ITGB4: variants seen among roughly 807,000 people sequenced by gnomAD.
ITGB4 encodes integrin beta-4.
Under a neutral mutation model 207.6 loss-of-function variants are expected in ITGB4, and 159 were observed. The ratio of observed to expected loss-of-function variants is 0.77; its 90% confidence interval spans 0.67 to 0.87. ITGB4 has a LOEUF of 0.87. Among genes scored for constraint, ITGB4 ranks in the 40% least tolerant of loss-of-function variants. The pLI is 0.00. For missense variants in ITGB4, 2,278 were observed against 2,546.8 expected (o/e 0.89, Z 2.27); for synonymous variants, 1,020 against 1,062.7 (o/e 0.96, Z 0.78).
In ITGB4 at chr17:75,750,856, G is replaced by C. The variant is rs1371197970; in HGVS notation, c.3651G>C (p.Gln1217His). Residue 1217 changes from glutamine to histidine, a missense_variant, in exon 29 of 40, where the codon CAG becomes CAC. Coordinates refer to ENST00000200181, the MANE Select transcript of ITGB4 (RefSeq NM_000213.5). This position sits in a 1 kb window ranked among gnomAD's most constrained non-coding sequence, Gnocchi z 5.5. ...YSSLVSCRTH[Q>H]EVPSEPGRLA... ...CCCTGGTGTCCTGCCGCACCCACCA[G>C]GAAGGTGAGGCCTCGCCATGTCTGT... 1.9e-6 allele frequency: 3 copies of C among 1,613,404 alleles called. No homozygotes were observed. The highest frequency in any genetic ancestry group is 2.7e-5 in the African/African-American group (2 of 75,046).
chr17:75,730,027 C>A (rs569560344), intron 7 of ITGB4, among the ~76,000 whole-genome samples: 1 of 152,244 alleles, frequency 6.6e-6, no homozygotes, highest in Non-Finnish European at 1.5e-5. Context: ...GTGGCCCCAG[C>A]GCCTTGCGGG....
rs192049370 is a variant in ITGB4, at chr17:75,731,063, G to T, written c.1092+99G>T. ...TGTCTTGGATCACGGTGGAGAAATG[G>T]GTCTGGGACAGACCAGTGAGGAAGG... On this transcript the variant is annotated intron_variant, in intron 9 of 39. Transcript: ENST00000200181. The surrounding 1 kb of genome is among the most constrained non-coding windows in gnomAD (Gnocchi z 6.8). The T allele has an allele frequency of 5.0e-5, 71 of 1,418,712 alleles. No individual in the cohort carries two copies. The African/African-American group carries it at 7.2e-4, about 14-fold the overall frequency. 87.9% of individuals were successfully genotyped at this position (1,418,712 alleles called of 1,614,324 possible).
chr17:75,746,068 A>G (rs2061226217), intron 26 of ITGB4, among the ~76,000 whole-genome samples: 2 of 152,056 alleles, frequency 1.3e-5, no homozygotes, highest in African/African-American at 4.8e-5. Context: ...CCCCATAAAA[A>G]TTCCAAAGAA....
chr17:75,737,237 G>T, intron 16 of ITGB4, 85 bp from the exon 17 acceptor site: 1 of 1,522,346 alleles, frequency 6.6e-7, no homozygotes. Flanking sequence ...GCAGATCGCA[G>T]AGTAGGGGCC....
Position 75,755,815 on chromosome 17 carries a change from A to G in ITGB4, c.4673A>G (p.Gln1558Arg), listed in dbSNP as rs2061485452. 1 of 1,608,690 alleles carries G rather than the reference A, an allele frequency of 6.2e-7. No individual in the cohort carries two copies. Among genetic ancestry groups the G allele is most frequent in the Non-Finnish European group, 8.5e-7 (1 of 1,179,806 alleles). Residue 1558 changes from glutamine (Q) to arginine (R), a missense_variant, in exon 35 of 40, where the codon CAG becomes CGG. Coordinates refer to ENST00000200181, the MANE Select transcript of ITGB4 (RefSeq NM_000213.5). Reference sequence around the variant, plus strand: ...GAGCCGCGGTGCGAGCGGCCGCTGCAGGGCTACAGTGTGGAGTACCAGCTG... The same window carrying G: ...GAGCCGCGGTGCGAGCGGCCGCTGCGGGGCTACAGTGTGGAGTACCAGCTG... Reference protein sequence around the residue: ...WQEPRCERPLQGYSVEYQLLN... With the variant: ...WQEPRCERPLRGYSVEYQLLN...
intron 34 of ITGB4, chr17:75,755,306 C>T: frequency 2.2e-6 from 3 of 1,345,794 alleles, no homozygotes; most frequent in Non-Finnish European, 3.0e-6. Flanking sequence ...CCACTGCTTC[C>T]CCTCCATTCC....
Position 75,740,647 on chromosome 17 carries a change from G to A in ITGB4, c.2551-146G>A, listed in dbSNP as rs547376688. ...CAGAGGGCAGAAGGCCAGAGCCTGG[G>A]CCCAGGATGCTGCCCCACGGGGCAT... On this transcript the variant is annotated intron_variant, in intron 21 of 39. Transcript: ENST00000200181. The surrounding 1 kb of genome is among the most constrained non-coding windows in gnomAD (Gnocchi z 5.9). 3 of 1,036,962 alleles carry A rather than the reference G, an allele frequency of 2.9e-6. No individual in the cohort carries two copies. The South Asian group carries it at 4.0e-5, about 14-fold the overall frequency. The allele number at this position is 1,036,962 out of a possible 1,614,324, so 64.2% of individuals were successfully genotyped here. A position where few individuals can be genotyped will look rare whatever the true frequency, so the allele number is the denominator to read the frequency against.
rs1220238012 is a variant in ITGB4 at position 75,755,766 on chromosome 17, A to G, written c.4624A>G (p.Thr1542Ala). ...CCTGGTGTTCTCTGCCCTGGGGCCCACATCTCTCAGAGTGAGCTGGCAGGA... is the reference window on the plus strand; with the variant it reads ...CCTGGTGTTCTCTGCCCTGGGGCCCGCATCTCTCAGAGTGAGCTGGCAGGA... ...TRLVFSALGPTSLRVSWQEPR... is the reference protein window; with the variant it reads ...TRLVFSALGPASLRVSWQEPR... The change falls in exon 35 of 40, where the codon ACA becomes GCA. Residue 1542 changes from threonine (T) to alanine (A), a missense_variant. By Grantham distance (58) the Thr-to-Ala change is moderately conservative. Coordinates refer to ENST00000200181, the MANE Select transcript of ITGB4 (RefSeq NM_000213.5). 6.2e-7 allele frequency: 1 copy of G among 1,612,700 alleles called. No individual in the cohort carries two copies. The highest frequency in any genetic ancestry group is 1.7e-5 in the Admixed American group (1 of 60,016).
In ITGB4 at chr17:75,739,586, A is replaced by G. The variant is rs1439410839; in HGVS notation, c.2221-86A>G. 1 of 1,486,474 alleles carries G rather than the reference A, an allele frequency of 6.7e-7. No homozygotes were observed. The highest frequency in any genetic ancestry group is 1.4e-5 in the African/African-American group (1 of 72,274). 92.1% of individuals were successfully genotyped at this position (1,486,474 alleles called of 1,614,324 possible). On this transcript the variant is annotated intron_variant, in intron 18 of 39. Coordinates refer to ENST00000200181, the MANE Select transcript of ITGB4 (RefSeq NM_000213.5). The surrounding 1 kb of genome is among the most constrained non-coding windows in gnomAD (Gnocchi z 5.4). The stretch of plus-strand genomic sequence containing the variant: ...GGAGGCACTGTCACCCCTCTTGACC[A>G]TTGGCATGGGGCGGGGTGGCTGGAA...
rs576649949 is a variant in ITGB4, at chr17:75,729,538, C to G, written c.738+102C>G. The G allele has an allele frequency of 5.0e-5, 65 of 1,292,138 alleles. No individual in the cohort carries two copies. The African/African-American group carries it at 8.4e-4, about 17-fold the overall frequency. 80.0% of individuals were successfully genotyped at this position (1,292,138 alleles called of 1,614,324 possible). A position where few individuals can be genotyped will look rare whatever the true frequency, so the allele number is the denominator to read the frequency against. ...CCTGCTCTGGTGCCAGGCTCACAGGCCCTGAGGGAAAGCCTGGGAGCCTGC... is the reference window on the plus strand; with the variant it reads ...CCTGCTCTGGTGCCAGGCTCACAGGGCCTGAGGGAAAGCCTGGGAGCCTGC... On this transcript the variant is annotated intron_variant, in intron 7 of 39. Transcript: ENST00000200181. The surrounding 1 kb of genome is among the most constrained non-coding windows in gnomAD (Gnocchi z 4.4).
Position 75,753,753 on chromosome 17 carries a change from G to C in ITGB4, c.4109-12G>C. On this transcript the variant is annotated splice_polypyrimidine_tract_variant and intron_variant, in intron 32 of 39. Transcript: ENST00000200181. The stretch of plus-strand genomic sequence containing the variant: ...CCCGGCGGTGCCAACGCGGCCCTTC[G>C]TTGTTCCCAAGGCTGCGGCTGGAAG... The C allele has an allele frequency of 7.0e-7, 1 of 1,420,756 alleles. No individual in the cohort carries two copies. 88.0% of individuals were successfully genotyped at this position (1,420,756 alleles called of 1,614,324 possible).
Position 75,742,577 on chromosome 17 carries a change from C to G in ITGB4, c.2783-5C>G. 1.2e-6 allele frequency: 2 copies of G among 1,613,904 alleles called. No individual in the cohort carries two copies. Among genetic ancestry groups the G allele is most frequent in the Non-Finnish European group, 1.7e-6 (2 of 1,180,008 alleles). On this transcript the variant is annotated splice_polypyrimidine_tract_variant and splice_region_variant and intron_variant, in intron 24 of 39. Transcript: ENST00000200181. The surrounding 1 kb of genome is among the most constrained non-coding windows in gnomAD (Gnocchi z 5.9). ...ACCTCTGACCACCTCCGAACCCCCA[C>G]CCAGACGCCCGGGGCATGGTGGAGT...
At position 75,752,418 on chromosome 17, in the gene ITGB4, G is replaced by A. The variant is rs766783562; in HGVS notation, c.3977-28G>A. 1.3e-5 allele frequency: 21 copies of A among 1,612,744 alleles called. No homozygotes were observed. The South Asian group carries it at 2.0e-4, about 15-fold the overall frequency. ...CAGGGGGGCAGGGGGCAGCAGCCAG[G>A]GCCCTGGCTCACTCCCCTGCCCTGC... On this transcript the variant is annotated intron_variant, in intron 31 of 39. Transcript: ENST00000200181.
At chr17:75,724,808 C>G in intron 2 of ITGB4, 26 bp downstream of exon 2, 1 of 1,595,442 alleles carries the variant, frequency 6.3e-7, no homozygotes, top group Non-Finnish European at 8.6e-7. Context: ...CCTGCAGCCC[C>G]CTCCTGGCAG....
Position 75,750,054 on chromosome 17 carries a change from C to T in ITGB4, c.3317-57C>T, listed in dbSNP as rs1198757619. ...TGGGTGTTGAAGTGGGTCTCTGGCG[C>T]CCCCTGGTGGTGAAGGGGGATCTGA... On this transcript the variant is annotated intron_variant, in intron 27 of 39. Coordinates refer to ENST00000200181, the MANE Select transcript of ITGB4 (RefSeq NM_000213.5). The surrounding 1 kb of genome is among the most constrained non-coding windows in gnomAD (Gnocchi z 5.5). 14 of 1,607,290 alleles carry T rather than the reference C, an allele frequency of 8.7e-6. No homozygotes were observed. The African/African-American group carries it at 1.3e-4, about 15-fold the overall frequency.
rs2060809781 is a variant in ITGB4 at position 75,729,715 on chromosome 17, T to C, written c.738+279T>C. Among the ~76,000 whole-genome samples the C allele has an allele frequency of 6.6e-6, 1 of 152,240 alleles. No homozygotes were observed. Among genetic ancestry groups the C allele is most frequent in the South Asian group, 2.1e-4 (1 of 4,832 alleles). ...AAGGCAGACCTGGGCTTTAGCGTTCTGGAATCTTTAGTACCCTGAACCCAC... is the reference window on the plus strand; with the variant it reads ...AAGGCAGACCTGGGCTTTAGCGTTCCGGAATCTTTAGTACCCTGAACCCAC... On this transcript the variant is annotated intron_variant, in intron 7 of 39. Transcript: ENST00000200181. The surrounding 1 kb of genome is among the most constrained non-coding windows in gnomAD (Gnocchi z 4.4).
At chr17:75,755,336 GCCCA>G in intron 34 of ITGB4, 10 of 1,042,902 alleles carry the variant, frequency 9.6e-6, no homozygotes, top group African/African-American at 3.2e-5. Flanking sequence ...ACCCCCGCCT[GCCCA>G]CAGGCGCTAA....
Position 75,739,716 on chromosome 17 carries a change from G to A in ITGB4, c.2254+11G>A. Reference sequence around the variant, plus strand: ...CGTGCTGCAACCGAGGTATGGGCCTGGCATCGCAGGGGCAGCAGGGGCTCT... The same window carrying A: ...CGTGCTGCAACCGAGGTATGGGCCTAGCATCGCAGGGGCAGCAGGGGCTCT... On this transcript the variant is annotated intron_variant, in intron 19 of 39. Coordinates refer to ENST00000200181, the MANE Select transcript of ITGB4 (RefSeq NM_000213.5). This position sits in a 1 kb window ranked among gnomAD's most constrained non-coding sequence, Gnocchi z 5.4. The A allele has an allele frequency of 1.2e-6, 2 of 1,614,130 alleles. No homozygotes were observed. Among genetic ancestry groups the A allele is most frequent in the East Asian group, 2.2e-5 (1 of 44,886 alleles).
In ITGB4 at chr17:75,729,497, C is replaced by G. The variant is rs1260173899; in HGVS notation, c.738+61C>G. On this transcript the variant is annotated intron_variant, in intron 7 of 39. Coordinates refer to ENST00000200181, the MANE Select transcript of ITGB4 (RefSeq NM_000213.5). The surrounding 1 kb of genome is among the most constrained non-coding windows in gnomAD (Gnocchi z 4.4). ...GGGGTGAGCACTTCTGGGCAAGGGC[C>G]TGAGCTGCCCCCTGGCCTGCTCTGG... 3.2e-5 allele frequency: 50 copies of G among 1,557,586 alleles called. 1 individual carries two copies. The South Asian group carries it at 4.8e-4, about 15-fold the overall frequency.
Sources: allele counts gnomAD v4.1 joint callset (sites outside exome capture counted in the v4.1 genomes callset), GRCh38; gene constraint gnomAD v4.1.1; non-coding constraint Gnocchi (gnomAD v3.1); transcripts MANE v1.5; gene names NCBI Gene and HGNC (gene_info 2026-07-23, HGNC 2026-07-21).